ABCB7: variants seen among roughly 807,000 people sequenced by gnomAD.
ABCB7 encodes the protein iron-sulfur clusters transporter ABCB7, mitochondrial.
In ABCB7, 7 loss-of-function variants were observed where a neutral mutation model predicts 54.4. The ratio of observed to expected loss-of-function variants is 0.13; its 90% CI spans 0.07 to 0.24. ABCB7 has a LOEUF of 0.24. ABCB7 is among the 10% of genes least tolerant of loss of function. The pLI is 1.00. For synonymous variants in ABCB7, 218 were observed against 207.1 expected (o/e 1.05, Z -0.45); for missense variants, 356 against 570.4 (o/e 0.62, Z 3.83).
intron 1 of ABCB7, among the ~76,000 whole-genome samples, chrX:75,155,653 C>CTTG (rs2082168822): frequency 9.0e-6 from 1 of 111,298 alleles, no homozygotes; most frequent in South Asian, 3.8e-4. Context: ...ACTGGCGCCA[C>CTTG]CTGTTTATAG....
chrX:75,055,858 A>AT (rs565778123), intron 15 of ABCB7, among the ~76,000 whole-genome samples: 5,303 of 104,477 alleles, frequency 0.051, 157 homozygotes, highest in South Asian at 0.13. Flanking sequence ...TTCAGGCTAA[A>AT]TTTTTTTTTT....
intron 1 of ABCB7, among the ~76,000 whole-genome samples, chrX:75,139,770 C>T (rs889744745): frequency 8.9e-6 from 1 of 112,027 alleles, no homozygotes; most frequent in Non-Finnish European, 1.9e-5. Flanking sequence ...AAATGATTCT[C>T]ATAGATGTTA....
intron 1 of ABCB7, among the ~76,000 whole-genome samples, chrX:75,129,038 C>G (rs1212165632): frequency 8.9e-6 from 1 of 111,825 alleles, no homozygotes; most frequent in African/African-American, 3.3e-5. Context: ...GATAGTGTGG[C>G]AATTCCTCAA....
intron 1 of ABCB7, among the ~76,000 whole-genome samples, chrX:75,127,340 C>T (rs1342070970): frequency 2.7e-5 from 3 of 111,407 alleles, no homozygotes; most frequent in African/African-American, 9.8e-5. Flanking sequence ...CAGAAAACAC[C>T]TTCGATAAAA....
At chrX:75,106,623 A>G (rs2081704410) in intron 3 of ABCB7, among the ~76,000 whole-genome samples, 1 of 112,052 alleles carries the variant, frequency 8.9e-6, no homozygotes. Context: ...CTACCATTCA[A>G]TCCAGTGATC....
At chrX:75,101,050 T>TG (rs1283209655) in intron 3 of ABCB7, among the ~76,000 whole-genome samples, 1 of 84,520 alleles carries the variant, frequency 1.2e-5, no homozygotes, top group Non-Finnish European at 2.4e-5. Context: ...AATATTTTTG[T>TG]GGGAAAAAAT....
At chrX:75,113,090 AT>A in intron 2 of ABCB7, 118 bp from the exon 3 acceptor site, 1 of 591,253 alleles carries the variant, frequency 1.7e-6, no homozygotes, top group Non-Finnish European at 2.9e-6. Flanking sequence ...CAGGTATAGT[AT>A]TTAGTCTGGC....
rs748659611 is a variant in ABCB7 at position 75,149,658 on chromosome X, T to C, written c.168+6447A>G. Among the ~76,000 whole-genome samples the C allele has an allele frequency of 3.6e-5, 4 of 111,840 alleles. No individual in the cohort carries two copies. The East Asian group carries it at 1.1e-3, about 31-fold the overall frequency. The stretch of plus-strand genomic sequence containing the variant: ...GATAAAAACAAAAAGATGATTGGAA[T>C]ATATTAGCATTTTAGGCACATAAAA... On this transcript the variant is annotated intron_variant, in intron 1 of 15. Transcript: ENST00000373394.
chrX:75,142,596 T>C (rs2082061711), intron 1 of ABCB7, among the ~76,000 whole-genome samples: 1 of 112,262 alleles, frequency 8.9e-6, no homozygotes, highest in Admixed American at 9.4e-5. Context: ...GTTTTTAAAT[T>C]AGCCTTTCCC....
chrX:75,118,879 G>A (rs2081848155), intron 1 of ABCB7, among the ~76,000 whole-genome samples: 1 of 111,078 alleles, frequency 9.0e-6, no homozygotes, highest in Admixed American at 9.6e-5. Flanking sequence ...CCAGGATCTG[G>A]TATAAAATGG....
At chrX:75,065,266 ATATATC>A (rs754817692) in intron 12 of ABCB7, 25 bp from the exon 13 acceptor site, 12 of 1,107,822 alleles carry the variant, frequency 1.1e-5, no homozygotes, top group Non-Finnish European at 1.2e-5. Flanking sequence ...CTGAATGAAT[ATATATC>A]TATATCTATA....
At chrX:75,110,089 G>C (rs190996716) in intron 3 of ABCB7, among the ~76,000 whole-genome samples, 1 of 111,816 alleles carries the variant, frequency 8.9e-6, no homozygotes, top group African/African-American at 3.2e-5. Flanking sequence ...AGCTTTGTTG[G>C]TCTGAAAGTT....
At chrX:75,093,982 T>G (rs1011593011) in intron 4 of ABCB7, among the ~76,000 whole-genome samples, 2 of 102,877 alleles carry the variant, frequency 1.9e-5, no homozygotes, top group African/African-American at 7.3e-5. Flanking sequence ...CTCCTACAGC[T>G]TCATTTGTCT....
intron 1 of ABCB7, among the ~76,000 whole-genome samples, chrX:75,148,184 T>C (rs1230355340): frequency 9.0e-6 from 1 of 111,694 alleles, no homozygotes; most frequent in Non-Finnish European, 1.9e-5. Flanking sequence ...GCATTACTAC[T>C]AGCAGACAAA....
chrX:75,140,165 A>C (rs2082043929), intron 1 of ABCB7, among the ~76,000 whole-genome samples: 1 of 112,200 alleles, frequency 8.9e-6, no homozygotes, highest in African/African-American at 3.2e-5. Flanking sequence ...CCTCTGGAAG[A>C]ATAAACTAGT....
At chrX:75,084,013 A>G (rs1426217257) in intron 4 of ABCB7, among the ~76,000 whole-genome samples, 1 of 111,033 alleles carries the variant, frequency 9.0e-6, no homozygotes, top group Non-Finnish European at 1.9e-5. Flanking sequence ...GGAAAGTAGG[A>G]GAGTCAAAGT....
At chrX:75,104,109 C>A (rs142819775) in intron 3 of ABCB7, among the ~76,000 whole-genome samples, 1 of 61,915 alleles carries the variant, frequency 1.6e-5, no homozygotes, top group East Asian at 6.1e-4. Flanking sequence ...CAACTCTTCC[C>A]TATTCGGTAT....
At chrX:75,069,719 G>C (rs1404922494) in intron 10 of ABCB7, among the ~76,000 whole-genome samples, 2 of 110,064 alleles carry the variant, frequency 1.8e-5, no homozygotes, top group Non-Finnish European at 3.8e-5. Context: ...ATGGGCAGGG[G>C]AGGAAAGGGG....
chrX:75,142,636 C>T (rs1409479643), intron 1 of ABCB7, among the ~76,000 whole-genome samples: 1 of 112,508 alleles, frequency 8.9e-6, no homozygotes, highest in Non-Finnish European at 1.9e-5. Flanking sequence ...CATCTACCCA[C>T]AAGACTTCAA....
Sources: gnomAD v4.1 joint callset for allele counts (sites outside exome capture counted in the v4.1 genomes callset) on GRCh38, gnomAD v4.1.1 for gene constraint, MANE v1.5 for transcripts, NCBI Gene and HGNC (gene_info 2026-07-23, HGNC 2026-07-21) for gene names.